The following LRP1B variants were observed in gnomAD, a reference collection of about 807,000 sequenced individuals.
The protein encoded by LRP1B is LDL receptor related protein 1B.
In LRP1B, 217 loss-of-function variants were observed where a neutral mutation model predicts 556.6. The ratio of observed to expected loss-of-function variants is 0.39; its 90% confidence interval spans 0.35 to 0.44. The LOEUF (loss-of-function observed/expected upper bound fraction) is 0.44, where lower values mean the gene tolerates loss of function less well. LRP1B is among the 20% of genes least tolerant of loss of function. The probability of loss-of-function intolerance (pLI) is 1.00; values close to 1 mark genes in which losing one functional copy is unlikely to be tolerated. For missense variants in LRP1B, 5,053 were observed against 5,620.8 expected (o/e 0.90, Z 3.23); for synonymous variants, 2,047 against 1,865.8 (o/e 1.10, Z -2.50).
chr2:141,021,600 G>A (rs1698065840), intron 11 of LRP1B, among the ~76,000 whole-genome samples: 1 of 151,908 alleles, frequency 6.6e-6, no homozygotes, highest in Non-Finnish European at 1.5e-5. Flanking sequence ...GCTGGTTTTT[G>A]TTAGTTGGTT....
At chr2:140,450,311 A>C (rs1487320465) in intron 63 of LRP1B, among the ~76,000 whole-genome samples, 1 of 152,154 alleles carries the variant, frequency 6.6e-6, no homozygotes, top group East Asian at 1.9e-4. Context: ...TTATTCCACA[A>C]GTAATCAAAT....
At chr2:141,392,939 A>G (rs1690108442) in intron 3 of LRP1B, among the ~76,000 whole-genome samples, 1 of 152,194 alleles carries the variant, frequency 6.6e-6, no homozygotes, top group Admixed American at 6.5e-5. Flanking sequence ...CACAAGAAGC[A>G]CTGTAGTCCC....
chr2:140,273,024 C>T (rs1042023923), intron 85 of LRP1B, among the ~76,000 whole-genome samples: 1 of 151,906 alleles, frequency 6.6e-6, no homozygotes, highest in Non-Finnish European at 1.5e-5. Flanking sequence ...ACTGAGGGAC[C>T]CTGATCCCTG....
chr2:140,443,382 G>T (rs1200758620), intron 65 of LRP1B, among the ~76,000 whole-genome samples: 1 of 152,120 alleles, frequency 6.6e-6, no homozygotes, highest in Admixed American at 6.6e-5. Flanking sequence ...TTTGAGGGAA[G>T]TGAACATCCA....
chr2:140,635,359 C>G (rs747377176), intron 41 of LRP1B, among the ~76,000 whole-genome samples: 5 of 151,706 alleles, frequency 3.3e-5, no homozygotes, highest in Non-Finnish European at 5.9e-5. Flanking sequence ...GTAGGTTTTC[C>G]TATAAAGGAA....
chr2:141,345,946 T>A (rs1469274724), intron 3 of LRP1B, among the ~76,000 whole-genome samples: 1 of 152,024 alleles, frequency 6.6e-6, no homozygotes, highest in Non-Finnish European at 1.5e-5. Flanking sequence ...TAATTTTGCT[T>A]TCCAACCCCC....
At chr2:141,632,232 TA>T (rs780648637) in intron 2 of LRP1B, among the ~76,000 whole-genome samples, 1 of 152,084 alleles carries the variant, frequency 6.6e-6, no homozygotes, top group Admixed American at 6.6e-5. Flanking sequence ...AAATGCGTAT[TA>T]AAAAAACTCA....
chr2:140,636,562 C>T (rs2105288457), intron 41 of LRP1B, among the ~76,000 whole-genome samples: 1 of 152,204 alleles, frequency 6.6e-6, no homozygotes, highest in Non-Finnish European at 1.5e-5. Context: ...ATCTCATTGT[C>T]TATTCTTTAG....
At position 140,840,104 on chromosome 2, in the gene LRP1B, T is replaced by C. The variant is rs1405435573; in HGVS notation, c.5115-19A>G. 2.7e-6 allele frequency: 4 copies of C among 1,468,948 alleles called. No individual in the cohort carries two copies. The South Asian group carries it at 3.6e-5, about 13-fold the overall frequency. 91.0% of individuals were successfully genotyped at this position (1,468,948 alleles called of 1,614,324 possible). ...GAGTTTTCTTAATTCAAAAGACATA[T>C]GGATTGAAAATATTAGATGTAGACC... On this transcript the variant is annotated intron_variant, in intron 30 of 90. Coordinates refer to ENST00000389484, the MANE Select transcript of LRP1B (RefSeq NM_018557.3).
chr2:141,520,213 T>G (rs1418446385), intron 2 of LRP1B, among the ~76,000 whole-genome samples: 1 of 152,140 alleles, frequency 6.6e-6, no homozygotes, highest in Non-Finnish European at 1.5e-5. Context: ...ATAAGGCAAG[T>G]GGATTTTAAT....
chr2:142,059,967 C>G (rs1346921914), intron 1 of LRP1B, among the ~76,000 whole-genome samples: 1 of 151,824 alleles, frequency 6.6e-6, no homozygotes, highest in African/African-American at 2.4e-5. Context: ...ATGTATTAAC[C>G]TTTTTATATC....
intron 1 of LRP1B, among the ~76,000 whole-genome samples, chr2:142,016,492 G>A (rs968372084): frequency 6.6e-6 from 1 of 152,140 alleles, no homozygotes; most frequent in Non-Finnish European, 1.5e-5. Context: ...AGAATACTAT[G>A]CAGCCATAAA....
In LRP1B at chr2:142,094,319, A is replaced by T. The variant is rs554007895; in HGVS notation, c.82+36329T>A. Among the ~76,000 whole-genome samples the T allele has an allele frequency of 5.9e-5, 9 of 152,156 alleles. No individual in the cohort carries two copies. The South Asian group carries it at 1.2e-3, about 21-fold the overall frequency. Reference sequence around the variant, plus strand: ...GCTGGTGTTTTTTTGATTATGACTTAATGTGTGAAGCTGGCTTTAATGTTC... The same window carrying T: ...GCTGGTGTTTTTTTGATTATGACTTTATGTGTGAAGCTGGCTTTAATGTTC... On this transcript the variant is annotated intron_variant, in intron 1 of 90. Transcript: ENST00000389484.
chr2:141,588,841 G>A (rs1687228698), intron 2 of LRP1B, among the ~76,000 whole-genome samples: 1 of 152,168 alleles, frequency 6.6e-6, no homozygotes, highest in Non-Finnish European at 1.5e-5. Flanking sequence ...TTTTCTGAAA[G>A]TGGAAATAAA....
Position 141,623,950 on chromosome 2 carries a change from G to T in LRP1B, c.206-143417C>A, listed in dbSNP as rs1000586059. Among the ~76,000 whole-genome samples the T allele has an allele frequency of 2.8e-5, 4 of 144,802 alleles. No homozygotes were observed. In the East Asian group the frequency reaches 6.2e-4, roughly 22 times the overall value. The allele number at this position is 144,802 out of a possible 152,430, so 95.0% of individuals were successfully genotyped here. ...TAATTGCTTGAACCCAGGAGGCAGA[G>T]GTTGCAGTGAGCCGAGATCGCACCA... On this transcript the variant is annotated intron_variant, in intron 2 of 90. Coordinates refer to ENST00000389484, the MANE Select transcript of LRP1B (RefSeq NM_018557.3).
intron 3 of LRP1B, among the ~76,000 whole-genome samples, chr2:141,431,854 G>C (rs544836648): frequency 3.4e-4 from 52 of 152,250 alleles, no homozygotes; most frequent in Admixed American, 2.4e-3. Context: ...GTAAGTTCAA[G>C]TAGTTTGTGG....
chr2:140,479,114 T>A (rs896136317), intron 59 of LRP1B, among the ~76,000 whole-genome samples: 2 of 152,106 alleles, frequency 1.3e-5, no homozygotes, highest in Admixed American at 1.3e-4. Flanking sequence ...CAGGTAAGCA[T>A]GAGCCTTCAT....
At chr2:140,377,416 C>CA (rs1248757776) in intron 68 of LRP1B, among the ~76,000 whole-genome samples, 1 of 152,082 alleles carries the variant, frequency 6.6e-6, no homozygotes, top group Non-Finnish European at 1.5e-5. Context: ...CTTGATTGCG[C>CA]AAACCTTGTG....
chr2:141,862,603 T>A (rs757813692), intron 1 of LRP1B, among the ~76,000 whole-genome samples: 3 of 152,144 alleles, frequency 2.0e-5, no homozygotes, highest in Non-Finnish European at 4.4e-5. Context: ...GAGACGGGGT[T>A]TCAACATATT....
Sources: gnomAD v4.1 joint callset for allele counts (sites outside exome capture counted in the v4.1 genomes callset) on GRCh38, gnomAD v4.1.1 for gene constraint, MANE v1.5 for transcripts, NCBI Gene and HGNC (gene_info 2026-07-23, HGNC 2026-07-21) for gene names.